The following CACNA2D3 variants were observed in gnomAD, a reference collection of about 807,000 sequenced individuals.
CACNA2D3 encodes calcium voltage-gated channel auxiliary subunit alpha2delta 3.
CACNA2D3 carries 60 observed loss-of-function variants against 160.6 expected under a neutral mutation model. That is an observed-to-expected ratio of 0.37 (90% CI 0.30 to 0.46). The LOEUF (loss-of-function observed/expected upper bound fraction) is 0.46, where lower values mean the gene tolerates loss of function less well. CACNA2D3 is among the 20% of genes least tolerant of loss of function. CACNA2D3 has a pLI of 1.00. For missense variants in CACNA2D3, 1,205 were observed against 1,365.0 expected (o/e 0.88, Z 1.85); for synonymous variants, 558 against 492.9 (o/e 1.13, Z -1.75).
chr3:54,649,779 A>G (rs1288416385), intron 11 of CACNA2D3, among the ~76,000 whole-genome samples: 1 of 152,234 alleles, frequency 6.6e-6, no homozygotes, highest in Non-Finnish European at 1.5e-5. Flanking sequence ...AATGCAGGCT[A>G]GGATTTCAAC....
chr3:54,217,136 G>T (rs1701477764), intron 2 of CACNA2D3, among the ~76,000 whole-genome samples: 1 of 152,208 alleles, frequency 6.6e-6, no homozygotes, highest in Admixed American at 6.5e-5. Context: ...AAGGGAGAGG[G>T]CTGCAGATGG....
At chr3:54,736,140 T>TACAC (rs1215376036) in intron 11 of CACNA2D3, among the ~76,000 whole-genome samples, 3 of 80,658 alleles carry the variant, frequency 3.7e-5, no homozygotes, top group African/African-American at 1.4e-4. Flanking sequence ...TGTATATATA[T>TACAC]ACACACACAC....
intron 11 of CACNA2D3, among the ~76,000 whole-genome samples, chr3:54,711,961 G>T (rs1403768293): frequency 6.6e-6 from 1 of 152,160 alleles, no homozygotes; most frequent in Non-Finnish European, 1.5e-5. Flanking sequence ...AATACAGCCT[G>T]TGTTTTAATG....
At chr3:55,011,194 T>A (rs1411883728) in intron 34 of CACNA2D3, among the ~76,000 whole-genome samples, 1 of 152,256 alleles carries the variant, frequency 6.6e-6, no homozygotes, top group African/African-American at 2.4e-5. Context: ...AATCCATGCC[T>A]GTCCAGGCTT....
chr3:54,262,700 T>C (rs1229638453), intron 2 of CACNA2D3, among the ~76,000 whole-genome samples: 1 of 152,256 alleles, frequency 6.6e-6, no homozygotes, highest in African/African-American at 2.4e-5. Context: ...ACAGGGGTAG[T>C]GAAAAGGCAG....
intron 11 of CACNA2D3, among the ~76,000 whole-genome samples, chr3:54,741,368 C>G (rs1472311179): frequency 1.3e-5 from 2 of 152,164 alleles, no homozygotes; most frequent in Non-Finnish European, 2.9e-5. Flanking sequence ...CCTCAAGTCC[C>G]AAACATTTTA....
intron 9 of CACNA2D3, among the ~76,000 whole-genome samples, chr3:54,585,988 G>A (rs906692323): frequency 4.6e-5 from 7 of 151,786 alleles, no homozygotes; most frequent in Non-Finnish European, 1.5e-5. Context: ...TTTGAGGCCT[G>A]GCACAGTGGT....
At chr3:54,947,159 A>G (rs1454008502) in intron 27 of CACNA2D3, among the ~76,000 whole-genome samples, 3 of 152,172 alleles carry the variant, frequency 2.0e-5, no homozygotes, top group Non-Finnish European at 2.9e-5. Flanking sequence ...TCATCATCAT[A>G]ATCTTAAAGA....
intron 2 of CACNA2D3, among the ~76,000 whole-genome samples, chr3:54,127,208 C>T (rs1284538169): frequency 6.6e-6 from 1 of 152,218 alleles, no homozygotes; most frequent in Non-Finnish European, 1.5e-5. Context: ...AACGGAAATA[C>T]AGGTAATGTG....
At chr3:54,971,515 C>A (rs181366714) in intron 29 of CACNA2D3, among the ~76,000 whole-genome samples, 5 of 152,264 alleles carry the variant, frequency 3.3e-5, no homozygotes, top group African/African-American at 7.2e-5. Context: ...ACAGCTAGGG[C>A]AGTAGCTTGA....
intron 29 of CACNA2D3, among the ~76,000 whole-genome samples, chr3:54,979,928 C>G (rs1702470780): frequency 6.6e-6 from 1 of 152,166 alleles, no homozygotes; most frequent in African/African-American, 2.4e-5. Flanking sequence ...TTGGTTACTT[C>G]TGTGGCATCC....
At chr3:54,621,707 G>A (rs924677028) in intron 9 of CACNA2D3, among the ~76,000 whole-genome samples, 4 of 152,184 alleles carry the variant, frequency 2.6e-5, no homozygotes, top group Admixed American at 2.6e-4. Flanking sequence ...GAGGCACTCG[G>A]GTCCTGGGGT....
At chr3:54,525,937 T>G (rs566519583) in intron 5 of CACNA2D3, among the ~76,000 whole-genome samples, 167 of 152,240 alleles carry the variant, frequency 1.1e-3, no homozygotes, top group Middle Eastern at 6.8e-3. Flanking sequence ...CTGTTTCTTC[T>G]CTTTGTTCTC....
rs868507047 is a variant in CACNA2D3 at position 54,478,664 on chromosome 3, A to G, written c.382-24828A>G. ...TATATATATAAATATGTGTGTGTAT[A>G]TATATATATATATATTGCTTGTCAT... On this transcript the variant is annotated intron_variant, in intron 4 of 37. Coordinates refer to ENST00000474759, the MANE Select transcript of CACNA2D3 (RefSeq NM_018398.3). Among the ~76,000 whole-genome samples, 122 of 117,056 alleles carry G rather than the reference A, an allele frequency of 1.0e-3. 27 individuals are homozygous for G. The highest frequency in any genetic ancestry group is 5.7e-4 in the Non-Finnish European group (33 of 57,918). The allele number at this position is 117,056 out of a possible 152,430, so 76.8% of individuals were successfully genotyped here.
chr3:54,645,023 TTTGTA>T (rs1316070454), intron 11 of CACNA2D3, among the ~76,000 whole-genome samples: 1 of 152,228 alleles, frequency 6.6e-6, no homozygotes, highest in Admixed American at 6.5e-5. Flanking sequence ...AGTCAAGATA[TTTGTA>T]TTAGTCCATT....
chr3:54,687,121 C>CTTTTTTTTTTCTTT (rs1700466865), intron 11 of CACNA2D3, among the ~76,000 whole-genome samples: 1 of 94,934 alleles, frequency 1.1e-5, no homozygotes, highest in African/African-American at 4.0e-5. Flanking sequence ...TTTTCTTTTT[C>CTTTTTTTTTTCTTT]TTTTTTTTTT....
chr3:55,074,390 C>T lies in CACNA2D3; in HGVS notation c.*184C>T. 1 of 497,504 alleles carries T rather than the reference C, an allele frequency of 2.0e-6. No homozygotes were observed. Among genetic ancestry groups the T allele is most frequent in the Non-Finnish European group, 3.6e-6 (1 of 277,244 alleles). 30.8% of individuals were successfully genotyped at this position (497,504 alleles called of 1,614,324 possible). ...TAAAGATATGTTGACAAAAAGTTAT[C>T]TATCATCTTTTTACTTTGCCAGTCA... On this transcript the variant is annotated 3_prime_UTR_variant, in exon 38 of 38. Transcript: ENST00000474759.
chr3:54,213,163 G>A (rs1255944416), intron 2 of CACNA2D3, among the ~76,000 whole-genome samples: 1 of 152,174 alleles, frequency 6.6e-6, no homozygotes, highest in Non-Finnish European at 1.5e-5. Context: ...AATGGCTCTT[G>A]ATCACTGAAA....
intron 9 of CACNA2D3, among the ~76,000 whole-genome samples, chr3:54,584,840 A>G (rs1019887836): frequency 4.6e-5 from 7 of 152,236 alleles, no homozygotes; most frequent in African/African-American, 1.7e-4. Flanking sequence ...ATATGAAATC[A>G]TGAAGACCAG....
Sources: gnomAD v4.1 joint callset for allele counts (sites outside exome capture counted in the v4.1 genomes callset) on GRCh38, gnomAD v4.1.1 for gene constraint, MANE v1.5 for transcripts, NCBI Gene and HGNC (gene_info 2026-07-23, HGNC 2026-07-21) for gene names.